The following SCFD2 variants were observed in gnomAD, a reference collection of about 807,000 sequenced individuals.
The protein encoded by SCFD2 is sec1 family domain containing 2, also known as sec1 family domain-containing protein 2.
In SCFD2, 54 loss-of-function variants were observed where a neutral mutation model predicts 58.9. The ratio of observed to expected loss-of-function variants is 0.92; its 90% CI spans 0.74 to 1.15. SCFD2 has a LOEUF of 1.15. Among genes scored for constraint, SCFD2 ranks in the 50% most tolerant of loss-of-function variants. SCFD2 has a pLI of 0.00. For synonymous variants in SCFD2, 321 were observed against 335.9 expected (o/e 0.96, Z 0.49); for missense variants, 805 against 836.6 (o/e 0.96, Z 0.47).
Position 53,059,011 on chromosome 4 carries a change from G to A in SCFD2, c.1561+86322C>T, listed in dbSNP as rs377312558. Among the ~76,000 whole-genome samples the A allele has an allele frequency of 3.9e-5, 6 of 152,128 alleles. 1 individual carries two copies. The highest frequency in any genetic ancestry group is 2.0e-4 in the Admixed American group (3 of 15,256). On this transcript the variant is annotated intron_variant, in intron 5 of 8. Coordinates refer to ENST00000401642, the MANE Select transcript of SCFD2 (RefSeq NM_152540.4). ...AGCATCTCAGAATTGCTCAGGAATC[G>A]CGGTACCAGGAGCTGATGGCAAGGG...
At chr4:53,346,392 A>C (rs1429109357) in intron 2 of SCFD2, among the ~76,000 whole-genome samples, 1 of 150,980 alleles carries the variant, frequency 6.6e-6, no homozygotes, top group African/African-American at 2.4e-5. Context: ...CTTCTGCCTC[A>C]GCCCCCCAAG....
At chr4:52,874,806 G>C (rs1718433681) in intron 8 of SCFD2, among the ~76,000 whole-genome samples, 2 of 152,106 alleles carry the variant, frequency 1.3e-5, no homozygotes, top group Admixed American at 1.3e-4. Context: ...ATTTTAACTT[G>C]ATCATCTGCA....
chr4:53,058,802 T>C lies in SCFD2; in HGVS notation c.1561+86531A>G, dbSNP rs182293687. On this transcript the variant is annotated intron_variant, in intron 5 of 8. Transcript: ENST00000401642. ...CTGAATATACAAGTTTATATCTGCTTATCCCCAGAACCCCAGGAAAACTGA... is the reference window on the plus strand; with the variant it reads ...CTGAATATACAAGTTTATATCTGCTCATCCCCAGAACCCCAGGAAAACTGA... Among the ~76,000 whole-genome samples the C allele has an allele frequency of 6.8e-4, 103 of 152,236 alleles. No homozygotes were observed. In the Middle Eastern group the frequency reaches 0.014, roughly 20 times the overall value.
intron 5 of SCFD2, among the ~76,000 whole-genome samples, chr4:53,096,376 C>G (rs899170535): frequency 6.6e-6 from 1 of 152,136 alleles, no homozygotes; most frequent in African/African-American, 2.4e-5. Flanking sequence ...CTCTCCAGCA[C>G]CTGTTGTTTC....
chr4:53,160,888 T>C (rs1390280092), intron 4 of SCFD2, among the ~76,000 whole-genome samples: 1 of 152,188 alleles, frequency 6.6e-6, no homozygotes, highest in African/African-American at 2.4e-5. Context: ...GTGAAGTCCT[T>C]GAGGAAGTGA....
chr4:53,076,149 CATAT>C (rs1436584308), intron 5 of SCFD2, among the ~76,000 whole-genome samples: 7 of 152,116 alleles, frequency 4.6e-5, no homozygotes, highest in Non-Finnish European at 1.0e-4. Context: ...TCCTAATTTT[CATAT>C]ATTACAAGAA....
In SCFD2 at chr4:53,085,621, C is replaced by T. The variant is rs540775011; in HGVS notation, c.1561+59712G>A. Reference sequence around the variant, plus strand: ...AACAAAACTGGAGGAATCACATTATCTGACTTCAAATTATATTGCAGAGCT... The same window carrying T: ...AACAAAACTGGAGGAATCACATTATTTGACTTCAAATTATATTGCAGAGCT... On this transcript the variant is annotated intron_variant, in intron 5 of 8. Coordinates refer to ENST00000401642, the MANE Select transcript of SCFD2 (RefSeq NM_152540.4). Among the ~76,000 whole-genome samples, 3 of 152,264 alleles carry T rather than the reference C, an allele frequency of 2.0e-5. No individual in the cohort carries two copies. In the East Asian group the frequency reaches 5.8e-4, roughly 29 times the overall value.
At chr4:53,293,619 G>C (rs1731918608) in intron 3 of SCFD2, among the ~76,000 whole-genome samples, 1 of 152,138 alleles carries the variant, frequency 6.6e-6, no homozygotes, top group African/African-American at 2.4e-5. Context: ...TGTGCAGAAA[G>C]TTCCTCAACC....
At chr4:52,954,587 G>C (rs2109534074) in intron 5 of SCFD2, among the ~76,000 whole-genome samples, 1 of 152,168 alleles carries the variant, frequency 6.6e-6, no homozygotes, top group Non-Finnish European at 1.5e-5. Flanking sequence ...AATCCACATG[G>C]GCAAACAGAT....
At chr4:53,227,409 T>C (rs1247131165) in intron 4 of SCFD2, among the ~76,000 whole-genome samples, 2 of 152,178 alleles carry the variant, frequency 1.3e-5, no homozygotes, top group African/African-American at 4.8e-5. Flanking sequence ...AATAAACCCA[T>C]ATAAGCCATC....
Position 53,187,168 on chromosome 4 carries a change from A to G in SCFD2, c.1312-41586T>C, listed in dbSNP as rs137893309. On this transcript the variant is annotated intron_variant, in intron 4 of 8. Coordinates refer to ENST00000401642, the MANE Select transcript of SCFD2 (RefSeq NM_152540.4). ...GGAAAGCCGAGCTCAGCATTTCACA[A>G]AACATTAATATATACAAATGAGAAA... Among the ~76,000 whole-genome samples, 308 of 152,198 alleles carry G rather than the reference A, an allele frequency of 2.0e-3. 1 individual carries two copies. Among genetic ancestry groups the G allele is most frequent in the African/African-American group, 7.1e-3 (295 of 41,554 alleles).
At position 53,273,811 on chromosome 4, in the gene SCFD2, C is replaced by A; in HGVS notation, c.1311+15G>T. ...TTAATTATTAAGATCCCACGAGGTT[C>A]CCATAGCAACATACCTGAAGAAGGA... On this transcript the variant is annotated intron_variant, in intron 4 of 8. Coordinates refer to ENST00000401642, the MANE Select transcript of SCFD2 (RefSeq NM_152540.4). 6.3e-7 allele frequency: 1 copy of A among 1,599,588 alleles called. No homozygotes were observed. Among genetic ancestry groups the A allele is most frequent in the South Asian group, 1.1e-5 (1 of 88,240 alleles).
chr4:53,021,724 A>C (rs1722353792), intron 5 of SCFD2, among the ~76,000 whole-genome samples: 1 of 152,176 alleles, frequency 6.6e-6, no homozygotes, highest in African/African-American at 2.4e-5. Flanking sequence ...GAGATGGTAG[A>C]AAAAAGCATT....
chr4:53,257,942 C>T (rs569688545), intron 4 of SCFD2, among the ~76,000 whole-genome samples: 16 of 151,980 alleles, frequency 1.1e-4, no homozygotes, highest in African/African-American at 3.9e-4. Context: ...GAAAAAAAGT[C>T]CCTCCCTACA....
intron 5 of SCFD2, among the ~76,000 whole-genome samples, chr4:53,095,870 C>G (rs1254362982): frequency 2.0e-5 from 3 of 151,994 alleles, no homozygotes; most frequent in East Asian, 1.9e-4. Context: ...TCCCTCCCCC[C>G]ATCCCGACCC....
intron 4 of SCFD2, among the ~76,000 whole-genome samples, chr4:53,267,708 G>A (rs1731033968): frequency 6.6e-6 from 1 of 152,162 alleles, no homozygotes; most frequent in Non-Finnish European, 1.5e-5. Context: ...AGCCTCCTGA[G>A]TAGCTGAAAC....
At chr4:53,107,553 C>CA (rs201490513) in intron 5 of SCFD2, among the ~76,000 whole-genome samples, 14,125 of 151,114 alleles carry the variant, frequency 0.093, 918 homozygotes, top group Non-Finnish European at 0.14. Context: ...AAATGGAAAG[C>CA]AAAAAAAAGC....
At chr4:53,085,690 T>C (rs1465861578) in intron 5 of SCFD2, among the ~76,000 whole-genome samples, 5 of 151,968 alleles carry the variant, frequency 3.3e-5, no homozygotes, top group Non-Finnish European at 7.4e-5. Flanking sequence ...AACAGACACA[T>C]AGACCAATGA....
chr4:52,994,469 AGGGTGGACGGCAAGCCCCACT>A (rs1167971524), intron 5 of SCFD2, among the ~76,000 whole-genome samples: 1 of 152,190 alleles, frequency 6.6e-6, no homozygotes, highest in African/African-American at 2.4e-5. Context: ...TGTCAAATAG[AGGGTGGACGGCAAGCCCCACT>A]GGTCAGTGAG....
Sources: allele counts gnomAD v4.1 joint callset (sites outside exome capture counted in the v4.1 genomes callset), GRCh38; gene constraint gnomAD v4.1.1; transcripts MANE v1.5; gene names NCBI Gene and HGNC (gene_info 2026-07-23, HGNC 2026-07-21).